MEIS2: variants seen among roughly 807,000 people sequenced by gnomAD.
MEIS2 encodes the protein Meis homeobox 2.
MEIS2 carries 9 observed loss-of-function variants against 58.6 expected under a neutral mutation model. The ratio of observed to expected loss-of-function variants is 0.15; its 90% CI spans 0.09 to 0.27. The LOEUF (loss-of-function observed/expected upper bound fraction) is 0.27, where lower values mean the gene tolerates loss of function less well. Among genes scored for constraint, MEIS2 ranks in the 10% least tolerant of loss-of-function variants. The pLI, the probability that MEIS2 is intolerant of heterozygous loss-of-function variation, is 1.00. For synonymous variants in MEIS2, 221 were observed against 228.4 expected (o/e 0.97, Z 0.29); for missense variants, 427 against 635.0 (o/e 0.67, Z 3.52).
chr15:36,970,366 T>A (rs1226497418), intron 8 of MEIS2, among the ~76,000 whole-genome samples: 6 of 150,242 alleles, frequency 4.0e-5, no homozygotes, highest in African/African-American at 1.5e-4. Context: ...ATCGCGCCAC[T>A]GCACTCCAGC....
chr15:36,906,145 G>A (rs150344698), intron 9 of MEIS2, among the ~76,000 whole-genome samples: 143 of 152,290 alleles, frequency 9.4e-4, no homozygotes, highest in Non-Finnish European at 1.4e-3. Flanking sequence ...TCCCAGCTTC[G>A]ATCTGGAAAA....
intron 7 of MEIS2, among the ~76,000 whole-genome samples, chr15:37,049,836 T>C (rs938440169): frequency 6.6e-6 from 1 of 151,224 alleles, no homozygotes; most frequent in East Asian, 2.0e-4. Context: ...CAAATAAGCA[T>C]GCTGGAAGAA....
At chr15:37,010,432 G>C (rs1213226632) in intron 8 of MEIS2, among the ~76,000 whole-genome samples, 1 of 152,040 alleles carries the variant, frequency 6.6e-6, no homozygotes, top group Non-Finnish European at 1.5e-5. Flanking sequence ...CCCCAGGCTG[G>C]AGTGCAGTGA....
intron 8 of MEIS2, among the ~76,000 whole-genome samples, chr15:37,009,839 CAT>C (rs371338181): frequency 8.7e-4 from 133 of 152,262 alleles, no homozygotes; most frequent in Admixed American, 4.8e-3. Context: ...ACAATTCTAA[CAT>C]GTGTCTACAT....
intron 9 of MEIS2, among the ~76,000 whole-genome samples, chr15:36,903,323 A>C (rs1402437848): frequency 2.6e-5 from 4 of 152,212 alleles, no homozygotes; most frequent in Non-Finnish European, 2.9e-5. Context: ...GCAAGGGAGG[A>C]GAAAACACTC....
At chr15:36,913,217 T>C (rs1056089257) in intron 9 of MEIS2, among the ~76,000 whole-genome samples, 2 of 152,252 alleles carry the variant, frequency 1.3e-5, no homozygotes, top group African/African-American at 4.8e-5. Context: ...TTAGAGTGGA[T>C]GCTCAATAAA....
At chr15:37,016,913 A>C (rs2061369547) in intron 8 of MEIS2, among the ~76,000 whole-genome samples, 1 of 152,216 alleles carries the variant, frequency 6.6e-6, no homozygotes, top group African/African-American at 2.4e-5. Context: ...GTGAATTGTA[A>C]ATTTGCTTCA....
At chr15:36,922,889 T>C (rs978267177) in intron 9 of MEIS2, among the ~76,000 whole-genome samples, 14 of 152,122 alleles carry the variant, frequency 9.2e-5, no homozygotes, top group African/African-American at 3.1e-4. Context: ...GTGTTGGGAT[T>C]GCAGGCATGA....
At chr15:37,071,607 C>G (rs766347842) in intron 7 of MEIS2, among the ~76,000 whole-genome samples, 1 of 152,068 alleles carries the variant, frequency 6.6e-6, no homozygotes, top group Non-Finnish European at 1.5e-5. Context: ...CATAAAATTA[C>G]TATCATTTTA....
intron 7 of MEIS2, among the ~76,000 whole-genome samples, chr15:37,070,923 G>C (rs569731684): frequency 2.6e-5 from 4 of 152,082 alleles, no homozygotes; most frequent in Admixed American, 6.6e-5. Context: ...AGAATATCCA[G>C]TCTTTCAAAC....
chr15:37,078,605 C>CAAAAAAAAAAA (rs540405090), intron 7 of MEIS2, among the ~76,000 whole-genome samples: 14 of 69,394 alleles, frequency 2.0e-4, no homozygotes, highest in East Asian at 9.6e-4. Context: ...AAAAAACAAC[C>CAAAAAAAAAAA]AAAAAAAAAA....
chr15:36,901,446 C>T (rs571394075), intron 9 of MEIS2, among the ~76,000 whole-genome samples: 32 of 152,220 alleles, frequency 2.1e-4, no homozygotes, highest in African/African-American at 6.3e-4. Context: ...AACTTGGGCA[C>T]GCAAATGATG....
intron 8 of MEIS2, among the ~76,000 whole-genome samples, chr15:36,992,708 T>G (rs16964480): frequency 0.038 from 5,807 of 151,980 alleles, 765 homozygotes; most frequent in Admixed American, 0.25. Flanking sequence ...GAGAGTGTAG[T>G]AGTTTCTCAG....
chr15:37,058,347 C>A (rs1157687012), intron 7 of MEIS2, among the ~76,000 whole-genome samples: 1 of 152,168 alleles, frequency 6.6e-6, no homozygotes, highest in African/African-American at 2.4e-5. Flanking sequence ...TAGTAAAGGT[C>A]TGGAAGAATT....
At chr15:36,973,675 T>C (rs554226475) in intron 8 of MEIS2, among the ~76,000 whole-genome samples, 1 of 152,194 alleles carries the variant, frequency 6.6e-6, no homozygotes, top group East Asian at 1.9e-4. Flanking sequence ...TAATAAGAGT[T>C]GAAAAAATAA....
At chr15:36,991,783 C>T (rs10557216) in intron 8 of MEIS2, among the ~76,000 whole-genome samples, 2,294 of 51,152 alleles carry the variant, frequency 0.045, 121 homozygotes, top group East Asian at 0.094. Context: ...TTTTTTTTTT[C>T]TTTTTTTTTT....
intron 9 of MEIS2, among the ~76,000 whole-genome samples, chr15:36,906,511 C>CG (rs1567034152): frequency 1.3e-5 from 2 of 151,874 alleles, no homozygotes; most frequent in East Asian, 3.9e-4. Flanking sequence ...TAGTATGTTA[C>CG]GGTGTATAGT....
intron 7 of MEIS2, among the ~76,000 whole-genome samples, chr15:37,045,085 A>C (rs995663373): frequency 6.6e-6 from 1 of 152,154 alleles, no homozygotes; most frequent in Admixed American, 6.5e-5. Flanking sequence ...CACTGTGTGC[A>C]TATATGCAGA....
intron 9 of MEIS2, among the ~76,000 whole-genome samples, chr15:36,921,043 A>AAG (rs1190575429): frequency 1.3e-5 from 2 of 152,346 alleles, no homozygotes; most frequent in African/African-American, 4.8e-5. Flanking sequence ...TTTAACCTCG[A>AAG]AGAGCCAAAT....
Sources: gnomAD v4.1 joint callset for allele counts (sites outside exome capture counted in the v4.1 genomes callset) on GRCh38, gnomAD v4.1.1 for gene constraint, MANE v1.5 for transcripts, NCBI Gene and HGNC (gene_info 2026-07-23, HGNC 2026-07-21) for gene names.